The following ANK3 variants were observed in gnomAD, a reference collection of about 807,000 sequenced individuals.
ANK3 encodes the protein ankyrin 3.
In ANK3, 57 loss-of-function variants were observed where a neutral mutation model predicts 370.9. The observed-to-expected ratio is 0.15, with a 90% CI of 0.12 to 0.19. ANK3 has a LOEUF of 0.19. Ranked by LOEUF, ANK3 falls within the 10% of genes least tolerant of loss-of-function variation. The pLI, the probability that ANK3 is intolerant of heterozygous loss-of-function variation, is 1.00. For synonymous variants in ANK3, 1,929 were observed against 1,946.3 expected (o/e 0.99, Z 0.23); for missense variants, 4,439 against 5,302.1 (o/e 0.84, Z 5.06).
intron 1 of ANK3, among the ~76,000 whole-genome samples, chr10:60,646,320 A>G (rs566083799): frequency 6.6e-6 from 1 of 152,298 alleles, no homozygotes; most frequent in South Asian, 2.1e-4. Flanking sequence ...GAAGTGTTCT[A>G]TGCAAAAAAG....
intron 1 of ANK3, among the ~76,000 whole-genome samples, chr10:60,647,594 TC>T (rs2078725607): frequency 6.9e-6 from 1 of 144,968 alleles, no homozygotes; most frequent in Admixed American, 7.2e-5. Context: ...ATTCATAGTG[TC>T]TAAAAACAGT....
intron 2 of ANK3, among the ~76,000 whole-genome samples, chr10:60,475,857 A>G (rs925089944): frequency 1.3e-5 from 2 of 152,098 alleles, no homozygotes; most frequent in Non-Finnish European, 2.9e-5. Flanking sequence ...TGAAGCAGCC[A>G]AGATACACCA....
intron 1 of ANK3, among the ~76,000 whole-genome samples, chr10:60,382,363 T>TA (rs1358610648): frequency 6.6e-6 from 1 of 152,162 alleles, no homozygotes; most frequent in Non-Finnish European, 1.5e-5. Context: ...TCTAATGAGA[T>TA]ACATCTAAGT....
At chr10:60,243,951 G>A (rs762788652) in intron 7 of ANK3, among the ~76,000 whole-genome samples, 1 of 152,162 alleles carries the variant, frequency 6.6e-6, no homozygotes, top group Non-Finnish European at 1.5e-5. Context: ...GGCAAAGCTG[G>A]AGTTGATTTA....
intron 2 of ANK3, among the ~76,000 whole-genome samples, chr10:60,613,301 G>C (rs1401788775): frequency 5.9e-5 from 9 of 152,116 alleles, no homozygotes; most frequent in Non-Finnish European, 1.0e-4. Context: ...TATCAAATGA[G>C]TTTGGGATAA....
chr10:60,149,740 GCT>G (rs1192304737), intron 23 of ANK3, among the ~76,000 whole-genome samples: 1 of 152,176 alleles, frequency 6.6e-6, no homozygotes, highest in East Asian at 1.9e-4. Context: ...ACGAAGTCTC[GCT>G]CTGTCGCCCA....
At chr10:60,232,002 T>C (rs895986536) in intron 8 of ANK3, among the ~76,000 whole-genome samples, 2 of 152,178 alleles carry the variant, frequency 1.3e-5, no homozygotes, top group Admixed American at 1.3e-4. Context: ...CACCAAACTT[T>C]GCCTATGTAG....
rs199989242 is a variant in ANK3, at chr10:60,218,097, C to CTTT, written c.898-4590_898-4588dup. Among the ~76,000 whole-genome samples the CTTT allele has an allele frequency of 1.7e-3, 217 of 126,104 alleles. 3 individuals are homozygous for CTTT. Among genetic ancestry groups the CTTT allele is most frequent in the African/African-American group, 6.6e-3 (208 of 31,380 alleles). 82.7% of individuals were successfully genotyped at this position (126,104 alleles called of 152,430 possible). A position where few individuals can be genotyped will look rare whatever the true frequency, so the allele number is the denominator to read the frequency against. ...CAACCCCTGCTTTTTCTTTTTCTTTCTTTTTTTTTTTTTTTTTTTTGCTTT... is the reference window on the plus strand; with the variant it reads ...CAACCCCTGCTTTTTCTTTTTCTTTCTTTTTTTTTTTTTTTTTTTTTTTGCTTT... On this transcript the variant is annotated intron_variant, in intron 8 of 43. Transcript: ENST00000280772.
At chr10:60,333,539 C>T (rs2051963950) in intron 1 of ANK3, among the ~76,000 whole-genome samples, 1 of 152,146 alleles carries the variant, frequency 6.6e-6, no homozygotes, top group Admixed American at 6.5e-5. Flanking sequence ...TTTGTTTAAC[C>T]AGTCTAACAT....
At chr10:60,105,825 G>C (rs1331094263) in intron 28 of ANK3, 80 bp downstream of exon 28, 26 of 1,404,706 alleles carry the variant, frequency 1.9e-5, no homozygotes, top group Admixed American at 2.6e-5. Context: ...GTGAAATTCA[G>C]GTCCTGTTTC....
At chr10:60,092,927 G>T (rs1005160953) in intron 28 of ANK3, among the ~76,000 whole-genome samples, 4 of 152,128 alleles carry the variant, frequency 2.6e-5, no homozygotes, top group Non-Finnish European at 5.9e-5. Context: ...GTAGAGATGG[G>T]GTTTCACCAT....
At chr10:60,551,680 A>G (rs993341895) in intron 2 of ANK3, among the ~76,000 whole-genome samples, 1 of 152,224 alleles carries the variant, frequency 6.6e-6, no homozygotes, top group Non-Finnish European at 1.5e-5. Context: ...TGAATTGATT[A>G]TCACACAAAC....
intron 2 of ANK3, among the ~76,000 whole-genome samples, chr10:60,503,252 A>C (rs2075852460): frequency 6.6e-6 from 1 of 152,218 alleles, no homozygotes; most frequent in Admixed American, 6.5e-5. Flanking sequence ...AGAAAATGCA[A>C]CTTATAAATT....
chr10:60,121,792 C>T (rs2093492163), intron 25 of ANK3, among the ~76,000 whole-genome samples: 1 of 151,630 alleles, frequency 6.6e-6, no homozygotes, highest in Non-Finnish European at 1.5e-5. Flanking sequence ...ACTAAAAGTA[C>T]ATAATTGGAT....
chr10:60,038,992 A>G (rs1027677301), intron 43 of ANK3, among the ~76,000 whole-genome samples: 2 of 152,166 alleles, frequency 1.3e-5, no homozygotes, highest in Non-Finnish European at 2.9e-5. Context: ...CCCAAAGTCT[A>G]AGTACATTCT....
intron 1 of ANK3, among the ~76,000 whole-genome samples, chr10:60,363,190 G>C (rs775532045): frequency 1.3e-5 from 2 of 152,096 alleles, no homozygotes; most frequent in African/African-American, 2.4e-5. Context: ...TTTGATAAAG[G>C]CACTGAATAG....
At chr10:60,567,188 G>A (rs2077483778) in intron 2 of ANK3, among the ~76,000 whole-genome samples, 1 of 152,154 alleles carries the variant, frequency 6.6e-6, no homozygotes, top group Admixed American at 6.5e-5. Flanking sequence ...AGTGGGAGAA[G>A]ATCCTACCTA....
At chr10:60,505,536 A>G (rs1169438958) in intron 2 of ANK3, among the ~76,000 whole-genome samples, 1 of 152,150 alleles carries the variant, frequency 6.6e-6, no homozygotes, top group Non-Finnish European at 1.5e-5. Flanking sequence ...CATATTTTTC[A>G]TCAGGGAAAG....
intron 2 of ANK3, among the ~76,000 whole-genome samples, chr10:60,564,211 A>G (rs187948536): frequency 1.3e-5 from 2 of 152,340 alleles, no homozygotes; most frequent in African/African-American, 2.4e-5. Context: ...ACATTTTTTA[A>G]AAAATTTATA....
Sources: gnomAD v4.1 joint callset for allele counts (sites outside exome capture counted in the v4.1 genomes callset) on GRCh38, gnomAD v4.1.1 for gene constraint, MANE v1.5 for transcripts, NCBI Gene and HGNC (gene_info 2026-07-23, HGNC 2026-07-21) for gene names.